The following CLEC2A variants were observed in gnomAD, a reference collection of about 807,000 sequenced individuals.
The protein encoded by CLEC2A is C-type lectin domain family 2 member A, also known as keratinocyte-associated C-type lectin.
In CLEC2A, 19 loss-of-function variants were observed where a neutral mutation model predicts 18.6. The ratio of observed to expected loss-of-function variants is 1.02; its 90% CI spans 0.71 to 1.50. CLEC2A has a LOEUF of 1.50. Ranked by LOEUF, CLEC2A falls within the 40% of genes most tolerant of loss-of-function variation. The pLI is 0.00. For missense variants in CLEC2A, 190 were observed against 207.9 expected (o/e 0.91, Z 0.53); for synonymous variants, 74 against 64.0 (o/e 1.16, Z -0.75).
the CLEC2A span, among the ~76,000 whole-genome samples, chr12:9,880,914 A>T: frequency 1.3e-5 from 2 of 152,114 alleles, no homozygotes; most frequent in Non-Finnish European, 2.9e-5. Flanking sequence ...AACTATCTGG[A>T]CTCTCTGTGA....
At chr12:9,928,606 A>C (rs1379914023) in intron 1 of CLEC2A, among the ~76,000 whole-genome samples, 1 of 152,268 alleles carries the variant, frequency 6.6e-6, no homozygotes, top group Non-Finnish European at 1.5e-5. Context: ...TGTGTATGCA[A>C]AAAAGACTGG....
chr12:9,901,274 A>G (rs1862825525), intron 4 of CLEC2A, among the ~76,000 whole-genome samples: 2 of 152,244 alleles, frequency 1.3e-5, no homozygotes, highest in African/African-American at 4.8e-5. Flanking sequence ...ATTTAAGAGC[A>G]CTTGTCAAAG....
the CLEC2A span, among the ~76,000 whole-genome samples, chr12:9,892,217 AAGTT>A: frequency 0.02 from 3,051 of 152,310 alleles, 50 homozygotes; most frequent in Middle Eastern, 0.044. Flanking sequence ...ATTAAAGAAA[AAGTT>A]AGCGGGTAAA....
the CLEC2A span, chr12:9,893,446 T>C: frequency 6.7e-7 from 1 of 1,483,284 alleles, no homozygotes; most frequent in South Asian, 1.2e-5. Context: ...TACAGAACAG[T>C]TTAAAACCTG....
downstream of CLEC2A, among the ~76,000 whole-genome samples, chr12:9,911,877 C>G (rs1237709198): frequency 6.6e-6 from 1 of 152,052 alleles, no homozygotes; most frequent in East Asian, 1.9e-4. Context: ...GGCTGCTAAA[C>G]AAAGCCTTGT....
chr12:9,922,338 T>A, intron 2 of CLEC2A, 106 bp from the exon 3 acceptor site: 1 of 809,758 alleles, frequency 1.2e-6, no homozygotes, highest in Non-Finnish European at 1.8e-6. Context: ...TTGAGGCCCG[T>A]AAGTTAGCTT....
intron 3 of CLEC2A, 132 bp from the exon 4 acceptor site, chr12:9,916,935 A>G (rs1232644989): frequency 6.6e-6 from 4 of 605,776 alleles, no homozygotes; most frequent in Non-Finnish European, 1.2e-5. Flanking sequence ...TTCTATAACA[A>G]CAAACAGCAC....
intron 4 of CLEC2A, among the ~76,000 whole-genome samples, chr12:9,916,275 T>C (rs1863069795): frequency 6.6e-6 from 1 of 152,034 alleles, no homozygotes; most frequent in African/African-American, 2.4e-5. Context: ...GTGGTGGGCA[T>C]TTGGAATGTT....
At chr12:9,919,674 G>C (rs1177318845) in intron 3 of CLEC2A, among the ~76,000 whole-genome samples, 1 of 152,194 alleles carries the variant, frequency 6.6e-6, no homozygotes, top group Non-Finnish European at 1.5e-5. Flanking sequence ...TCATGTAACA[G>C]TCTGGCCACT....
downstream of CLEC2A, among the ~76,000 whole-genome samples, chr12:9,910,948 C>T (rs935268643): frequency 1.3e-5 from 2 of 152,194 alleles, no homozygotes; most frequent in Non-Finnish European, 2.9e-5. Flanking sequence ...CAAAGAAGAA[C>T]CAGCACTGAG....
the CLEC2A span, among the ~76,000 whole-genome samples, chr12:9,887,427 T>C: frequency 6.6e-6 from 1 of 152,208 alleles, no homozygotes; most frequent in Non-Finnish European, 1.5e-5. Flanking sequence ...AAGATTCTAC[T>C]GGAGCAATGC....
At chr12:9,904,352 A>G (rs1167533521) in intron 4 of CLEC2A, among the ~76,000 whole-genome samples, 1 of 152,130 alleles carries the variant, frequency 6.6e-6, no homozygotes, top group African/African-American at 2.4e-5. Context: ...TGGAAACGGG[A>G]TGATTTAGGC....
downstream of CLEC2A, among the ~76,000 whole-genome samples, chr12:9,908,790 G>A (rs895199459): frequency 6.6e-6 from 1 of 152,066 alleles, no homozygotes; most frequent in African/African-American, 2.4e-5. Context: ...TCTTTATAGG[G>A]TCTGGCAAAT....
intron 4 of CLEC2A, 128 bp downstream of exon 4, chr12:9,916,572 G>A (rs1401837771): frequency 8.7e-6 from 6 of 686,522 alleles, no homozygotes; most frequent in Non-Finnish European, 1.5e-5. Context: ...GTCATCGATT[G>A]GAGACTGAAA....
chr12:9,892,484 TTCAC>T, the CLEC2A span, among the ~76,000 whole-genome samples: 4 of 152,106 alleles, frequency 2.6e-5, no homozygotes, highest in Admixed American at 2.6e-4. Flanking sequence ...GGGATCAGAA[TTCAC>T]AGGCTTTGTT....
the CLEC2A span, among the ~76,000 whole-genome samples, chr12:9,887,387 A>C: frequency 3.3e-5 from 5 of 152,228 alleles, no homozygotes; most frequent in African/African-American, 1.2e-4. Context: ...CCCAAAGCAA[A>C]TTAGCATCAG....
At chr12:9,897,744 A>G (rs887166814), downstream of CLEC2A, among the ~76,000 whole-genome samples, 3 of 152,144 alleles carry the variant, frequency 2.0e-5, no homozygotes, top group Non-Finnish European at 4.4e-5. Flanking sequence ...TGTGGGCATG[A>G]CCAGACAAGG....
At chr12:9,919,435 C>A (rs1016106432) in intron 3 of CLEC2A, among the ~76,000 whole-genome samples, 2 of 152,282 alleles carry the variant, frequency 1.3e-5, no homozygotes, top group African/African-American at 4.8e-5. Context: ...TCCTCTCCTG[C>A]AACTTGTTGG....
rs73247994 is a variant in CLEC2A, at chr12:9,928,360, G to A, written c.56-2017C>T. On this transcript the variant is annotated intron_variant, in intron 1 of 4. Transcript: ENST00000455827. ...CAGGCACCTGTAATCCCAGCTACTCGGGAGGTTGAGGCAGGAGAATACTTG... is the reference window on the plus strand; with the variant it reads ...CAGGCACCTGTAATCCCAGCTACTCAGGAGGTTGAGGCAGGAGAATACTTG... Among the ~76,000 whole-genome samples the A allele has an allele frequency of 7.1e-3, 1,080 of 152,182 alleles. 19 individuals are homozygous for A. Among genetic ancestry groups the A allele is most frequent in the African/African-American group, 0.025 (1,055 of 41,524 alleles).
Sources: allele counts gnomAD v4.1 joint callset (sites outside exome capture counted in the v4.1 genomes callset), GRCh38; gene constraint gnomAD v4.1.1; transcripts MANE v1.5; gene names NCBI Gene and HGNC (gene_info 2026-07-23, HGNC 2026-07-21).